Variants in KIAA1549L observed in about 807,000 individuals in gnomAD.
KIAA1549L encodes the protein UPF0606 protein KIAA1549L.
Under a neutral mutation model 160.7 loss-of-function variants are expected in KIAA1549L, and 88 were observed. The observed-to-expected ratio is 0.55, with a 90% confidence interval of 0.46 to 0.65. The LOEUF is 0.65. KIAA1549L is among the 30% of genes least tolerant of loss of function. KIAA1549L has a pLI of 0.00. For missense variants in KIAA1549L, 2,258 were observed against 2,437.5 expected (o/e 0.93, Z 1.55); for synonymous variants, 950 against 976.7 (o/e 0.97, Z 0.51).
intron 1 of KIAA1549L, among the ~76,000 whole-genome samples, chr11:33,427,976 T>G (rs1851153863): frequency 6.6e-6 from 1 of 152,278 alleles, no homozygotes; most frequent in African/African-American, 2.4e-5. Flanking sequence ...TAGTAATGTT[T>G]CATTGTATGT....
chr11:33,452,525 G>A (rs919622643), intron 1 of KIAA1549L, among the ~76,000 whole-genome samples: 4 of 152,244 alleles, frequency 2.6e-5, no homozygotes, highest in Non-Finnish European at 4.4e-5. Context: ...GGAGAATGGC[G>A]TGAACCCAGG....
At chr11:33,516,074 C>G (rs1853337924) in intron 1 of KIAA1549L, among the ~76,000 whole-genome samples, 1 of 152,096 alleles carries the variant, frequency 6.6e-6, no homozygotes, top group Non-Finnish European at 1.5e-5. Flanking sequence ...CCTGCCAATC[C>G]AGGACTGTGC....
chr11:33,641,180 C>T (rs796790806), intron 16 of KIAA1549L, among the ~76,000 whole-genome samples: 15 of 152,316 alleles, frequency 9.8e-5, no homozygotes, highest in African/African-American at 3.4e-4. Flanking sequence ...AGCTGGCACA[C>T]CACAGGTCCT....
chr11:33,493,805 G>T (rs1451801247), intron 1 of KIAA1549L, among the ~76,000 whole-genome samples: 1 of 152,180 alleles, frequency 6.6e-6, no homozygotes, highest in Non-Finnish European at 1.5e-5. Context: ...GCAGACTTGG[G>T]AATCAAACTA....
chr11:33,419,769 C>T (rs1211949806), intron 1 of KIAA1549L, among the ~76,000 whole-genome samples: 1 of 151,992 alleles, frequency 6.6e-6, no homozygotes, highest in Non-Finnish European at 1.5e-5. Context: ...ATCGTTTGAA[C>T]CCAGGAAGCG....
intron 10 of KIAA1549L, among the ~76,000 whole-genome samples, chr11:33,581,739 A>G (rs955579026): frequency 6.6e-6 from 1 of 152,206 alleles, no homozygotes; most frequent in Non-Finnish European, 1.5e-5. Context: ...AATTACGCCA[A>G]TGAACACAAC....
At chr11:33,655,256 TACAC>T (rs147310112) in intron 17 of KIAA1549L, among the ~76,000 whole-genome samples, 1 of 150,796 alleles carries the variant, frequency 6.6e-6, no homozygotes, top group Non-Finnish European at 1.5e-5. Flanking sequence ...GCAAAAGACA[TACAC>T]ACACACACAC....
chr11:33,647,318 G>A (rs1334458059), intron 17 of KIAA1549L, among the ~76,000 whole-genome samples: 2 of 149,394 alleles, frequency 1.3e-5, no homozygotes, highest in Non-Finnish European at 2.9e-5. Context: ...AGAAGTTGCA[G>A]TGAGCCAAGA....
rs988171118 is a variant in KIAA1549L, at chr11:33,606,669, G to A, written c.4908G>A (p.Ala1636=). 13 of 1,613,796 alleles carry A rather than the reference G, an allele frequency of 8.1e-6. No homozygotes were observed. The highest frequency in any genetic ancestry group is 1.6e-4 in the Middle Eastern group (1 of 6,082). The change falls in exon 14 of 21, where the codon GCG becomes GCA. Residue 1636 remains alanine (A), a synonymous_variant. Coordinates refer to ENST00000658780, the MANE Select transcript of KIAA1549L (RefSeq NM_012194.3). ...NVPASDEEEG[A]VLFDNSSKVA... ...CAGCGAGTGACGAAGAGGAGGGAGC[G>A]GTTCTATTTGACAACTCCAGCAAGG...
At chr11:33,509,173 CT>C (rs1422083934) in intron 1 of KIAA1549L, among the ~76,000 whole-genome samples, 2 of 152,218 alleles carry the variant, frequency 1.3e-5, no homozygotes, top group African/African-American at 4.8e-5. Context: ...TCCCCACAGT[CT>C]TTAAAGACAG....
intron 1 of KIAA1549L, among the ~76,000 whole-genome samples, chr11:33,448,654 C>T (rs1219891298): frequency 6.6e-6 from 1 of 152,206 alleles, no homozygotes; most frequent in African/African-American, 2.4e-5. Flanking sequence ...TGTTCTTCCT[C>T]AGTGCGGGAA....
intron 16 of KIAA1549L, among the ~76,000 whole-genome samples, chr11:33,641,192 G>C (rs1232708801): frequency 6.6e-6 from 1 of 152,104 alleles, no homozygotes; most frequent in East Asian, 1.9e-4. Flanking sequence ...ACAGGTCCTC[G>C]AGTCAATTTG....
chr11:33,497,338 T>C (rs1410283647), intron 1 of KIAA1549L, among the ~76,000 whole-genome samples: 1 of 152,206 alleles, frequency 6.6e-6, no homozygotes, highest in Non-Finnish European at 1.5e-5. Context: ...TAACTTAAGT[T>C]GCCATGCCCC....
chr11:33,432,603 A>G (rs1252090737), intron 1 of KIAA1549L, among the ~76,000 whole-genome samples: 1 of 152,124 alleles, frequency 6.6e-6, no homozygotes, highest in Non-Finnish European at 1.5e-5. Context: ...TAAACTGAAG[A>G]CAAAAATATG....
At chr11:33,388,967 C>T (rs1489516644) in intron 1 of KIAA1549L, among the ~76,000 whole-genome samples, 3 of 152,210 alleles carry the variant, frequency 2.0e-5, no homozygotes, top group Non-Finnish European at 4.4e-5. Flanking sequence ...GCACCTGCCT[C>T]CTGTTCACTC....
intron 11 of KIAA1549L, among the ~76,000 whole-genome samples, chr11:33,585,548 G>A (rs773818887): frequency 1.3e-5 from 2 of 152,036 alleles, no homozygotes; most frequent in South Asian, 2.1e-4. Context: ...AATAAAAAGA[G>A]TGTGTATTTC....
chr11:33,661,897 A>C (rs865882778), intron 20 of KIAA1549L, among the ~76,000 whole-genome samples: 1 of 150,928 alleles, frequency 6.6e-6, no homozygotes, highest in Admixed American at 6.6e-5. Context: ...AAAAAAAAAA[A>C]AAAAAAAAAG....
intron 1 of KIAA1549L, among the ~76,000 whole-genome samples, chr11:33,527,336 A>T (rs190446775): frequency 6.6e-6 from 1 of 152,338 alleles, no homozygotes; most frequent in East Asian, 1.9e-4. Context: ...AACAATGTAA[A>T]ATGGGGAAAG....
chr11:33,467,612 C>T (rs772421810), intron 1 of KIAA1549L, among the ~76,000 whole-genome samples: 7 of 152,330 alleles, frequency 4.6e-5, no homozygotes, highest in South Asian at 2.1e-4. Flanking sequence ...TCCCAAACAC[C>T]AGATCCCAAG....
Sources: allele counts gnomAD v4.1 joint callset (sites outside exome capture counted in the v4.1 genomes callset), GRCh38; gene constraint gnomAD v4.1.1; transcripts MANE v1.5; gene names NCBI Gene and HGNC (gene_info 2026-07-23, HGNC 2026-07-21).